MYO1F: variants seen among roughly 807,000 people sequenced by gnomAD.
The protein encoded by MYO1F is unconventional myosin-If.
MYO1F carries 60 observed loss-of-function variants against 146.6 expected under a neutral mutation model. That is an observed-to-expected ratio of 0.41 (90% CI 0.33 to 0.51). The LOEUF is 0.51. Ranked by LOEUF, MYO1F falls within the 20% of genes least tolerant of loss-of-function variation. MYO1F has a pLI of 0.25. For missense variants in MYO1F, 1,274 were observed against 1,534.3 expected (o/e 0.83, Z 2.83); for synonymous variants, 602 against 602.1 (o/e 1.00, Z 0.00).
intron 21 of MYO1F, chr19:8,529,737 C>G: frequency 6.6e-6 from 2 of 300,812 alleles, no homozygotes; most frequent in South Asian, 6.1e-5. Flanking sequence ...GAGGGTGTAT[C>G]TGACAGGTGT....
intron 1 of MYO1F, among the ~76,000 whole-genome samples, chr19:8,574,673 T>C (rs150189017): frequency 0.037 from 4,636 of 125,532 alleles, 223 homozygotes; most frequent in African/African-American, 0.1. Flanking sequence ...CTTTCTCTCT[T>C]TCTTTCTTTC....
At chr19:8,525,868 C>T (rs1460127613) in intron 24 of MYO1F, among the ~76,000 whole-genome samples, 5 of 152,204 alleles carry the variant, frequency 3.3e-5, no homozygotes, top group African/African-American at 1.2e-4. Flanking sequence ...TTGGTCATGT[C>T]TTCTCCTTAA....
intron 1 of MYO1F, among the ~76,000 whole-genome samples, chr19:8,566,317 A>G (rs2042003699): frequency 6.7e-6 from 1 of 149,138 alleles, no homozygotes; most frequent in African/African-American, 2.5e-5. Flanking sequence ...ACAGGCTCCC[A>G]CGGCCATGCC....
At position 8,525,522 on chromosome 19, in the gene MYO1F, C is replaced by T. The variant is rs777371902; in HGVS notation, c.2811G>A (p.Arg937=). 1.1e-5 allele frequency: 17 copies of T among 1,613,438 alleles called. No individual in the cohort carries two copies. In the East Asian group the frequency reaches 3.6e-4, roughly 34 times the overall value. The change falls in exon 25 of 28, where the codon AGG becomes AGA. Residue 937 remains arginine, a synonymous_variant. Transcript: ENST00000644032. The stretch of plus-strand genomic sequence containing the variant: ...CCGCCCGGGTAGGGGCTTGGGACGA[C>T]CTCCGAGGTTTTCCCTTGGCCATTC... ...RKGMAKGKPR[R]SSQAPTRAAP...
At chr19:8,562,355 T>C (rs374884847) in intron 1 of MYO1F, among the ~76,000 whole-genome samples, 2 of 151,968 alleles carry the variant, frequency 1.3e-5, no homozygotes, top group East Asian at 3.9e-4. Flanking sequence ...TCACCTAGGC[T>C]GGAGTGCACT....
chr19:8,559,137 T>C (rs763260710), intron 1 of MYO1F, among the ~76,000 whole-genome samples: 4 of 151,672 alleles, frequency 2.6e-5, no homozygotes, highest in Non-Finnish European at 2.9e-5. Flanking sequence ...GCCTCGATCT[T>C]CCAAACTGCT....
chr19:8,530,274 G>A lies in MYO1F; in HGVS notation c.2250C>T (p.Pro750=), dbSNP rs755770493. 8 of 1,613,990 alleles carry A rather than the reference G, an allele frequency of 5.0e-6. No individual in the cohort carries two copies. The highest frequency in any genetic ancestry group is 1.7e-5 in the Admixed American group (1 of 59,982). ...TCTTGCCCAGGAACTGACGCAGCTC[G>A]GGCCGCTCCTCCAGCCCCAGGTAGT... The part of the protein sequence containing the change: ...VGDYLGLEER[P]ELRQFLGKRE... Residue 750 remains proline, a synonymous_variant, in exon 21 of 28, where the codon CCC becomes CCT. Transcript: ENST00000644032. The surrounding 1 kb of genome is among the most constrained non-coding windows in gnomAD (Gnocchi z 5.8).
chr19:8,540,064 T>A, intron 15 of MYO1F, 36 bp from the exon 16 acceptor site: 1 of 1,566,048 alleles, frequency 6.4e-7, no homozygotes, highest in South Asian at 1.1e-5. Flanking sequence ...GTTGGAGGTA[T>A]GGCTAGACTT....
chr19:8,523,193 G>C (rs1308267341), intron 25 of MYO1F, among the ~76,000 whole-genome samples: 1 of 151,752 alleles, frequency 6.6e-6, no homozygotes, highest in Non-Finnish European at 1.5e-5. Context: ...CACCACGCCT[G>C]GATAATTTTT....
rs761041920 is a variant in MYO1F, at chr19:8,536,552, C to T, written c.1845G>A (p.Arg615=). ...VEYLGLKENI[R]VRRAGFAYRR... ...GGTAGGCGAAGCCGGCTCTGCGCAC[C>T]CTGATGTTCTCCTTCAGGCCCAGGT... Residue 615 remains arginine (R), a synonymous_variant, in exon 18 of 28, where the codon AGG becomes AGA. Coordinates refer to ENST00000644032, the MANE Select transcript of MYO1F (RefSeq NM_012335.4). The T allele has an allele frequency of 1.5e-5, 24 of 1,611,366 alleles. No individual in the cohort carries two copies. Among genetic ancestry groups the T allele is most frequent in the Non-Finnish European group, 2.0e-5 (23 of 1,179,306 alleles).
intron 1 of MYO1F, among the ~76,000 whole-genome samples, chr19:8,559,952 GAAA>G: frequency 9.2e-6 from 1 of 108,510 alleles, no homozygotes; most frequent in East Asian, 2.7e-4. Flanking sequence ...CTCCATCTCA[GAAA>G]AAAAAAAAAA....
intron 24 of MYO1F, 137 bp downstream of exon 24, chr19:8,526,316 G>C: frequency 7.5e-7 from 1 of 1,335,860 alleles, no homozygotes; most frequent in South Asian, 1.3e-5. Flanking sequence ...GACAGAGTGA[G>C]ACTCCGTCTT....
chr19:8,556,886 T>C (rs1600014370), intron 1 of MYO1F, among the ~76,000 whole-genome samples: 2 of 65,988 alleles, frequency 3.0e-5, no homozygotes, highest in South Asian at 4.6e-4. Context: ...AAACTCTGTC[T>C]CAAAAAAAAA....
rs1226139409 is a variant in MYO1F, at chr19:8,550,300, G to C, written c.961C>G (p.Leu321Val). Reference protein sequence around the residue: ...GIDSGRLQEKLTSRKMDSRWG... With the variant: ...GIDSGRLQEKVTSRKMDSRWG... ...CGGCTGTCCATCTTGCGGCTGGTCA[G>C]CTTCTCCTGCAGTCGCCCGCTGTCA... The change falls in exon 10 of 28, where the codon CTG becomes GTG. Residue 321 changes from leucine (L) to valine (V), a missense_variant. Leu to Val is a conservative substitution (Grantham distance 32). Around this residue, in one of 2 missense-constraint regions of MYO1F, gnomAD observed 900 missense variants for 1,155.1 expected, o/e 0.78. Transcript: ENST00000644032. The C allele has an allele frequency of 2.5e-6, 4 of 1,613,904 alleles. No homozygotes were observed. In the African/African-American group the frequency reaches 5.3e-5, roughly 22 times the overall value.
At chr19:8,559,704 C>A (rs1285127663) in intron 1 of MYO1F, among the ~76,000 whole-genome samples, 1 of 152,034 alleles carries the variant, frequency 6.6e-6, no homozygotes, top group Non-Finnish European at 1.5e-5. Flanking sequence ...AATCCCAGCA[C>A]TTTGGGAGGC....
At chr19:8,569,346 G>A (rs1394990383) in intron 1 of MYO1F, among the ~76,000 whole-genome samples, 1 of 152,060 alleles carries the variant, frequency 6.6e-6, no homozygotes, top group East Asian at 1.9e-4. Flanking sequence ...AGGTGGGTGG[G>A]GTAGGAAGGA....
chr19:8,567,543 G>A (rs1040752340), intron 1 of MYO1F, among the ~76,000 whole-genome samples: 2 of 152,266 alleles, frequency 1.3e-5, no homozygotes, highest in African/African-American at 4.8e-5. Context: ...TTTTAGTAGA[G>A]ACAAGGTTTT....
In MYO1F at chr19:8,555,671, G is replaced by T; in HGVS notation, c.129C>A (p.Asp43Glu). The T allele has an allele frequency of 6.2e-7, 1 of 1,614,076 alleles. No homozygotes were observed. Among genetic ancestry groups the T allele is most frequent in the Non-Finnish European group, 8.5e-7 (1 of 1,180,008 alleles). The change falls in exon 2 of 28, where the codon GAC becomes GAA. Residue 43 changes from aspartate to glutamate, a missense_variant. Transcript: ENST00000644032. Reference sequence around the variant, plus strand: ...TGGCCCAGGGTACGAAGATGTAGTCGTCCATGAAGCGCTTCCGGAGGTTGG... The same window carrying T: ...TGGCCCAGGGTACGAAGATGTAGTCTTCCATGAAGCGCTTCCGGAGGTTGG... ...IAANLRKRFM[D>E]DYIFTYIGSV...
chr19:8,534,861 G>A (rs1972639716), intron 19 of MYO1F, among the ~76,000 whole-genome samples: 3 of 151,260 alleles, frequency 2.0e-5, no homozygotes. Flanking sequence ...TCCTGACCTC[G>A]TGATCCACTC....
Sources: gnomAD v4.1 joint callset for allele counts (sites outside exome capture counted in the v4.1 genomes callset) on GRCh38, gnomAD v4.1.1 for gene constraint, gnomAD v4.1.1 regional missense constraint, Gnocchi (gnomAD v3.1) non-coding constraint, MANE v1.5 for transcripts, NCBI Gene and HGNC (gene_info 2026-07-23, HGNC 2026-07-21) for gene names.